Variants in SAMD13 observed in about 807,000 individuals in gnomAD.
The protein encoded by SAMD13 is sterile alpha motif domain containing 13.
SAMD13 carries 9 observed loss-of-function variants against 12.4 expected under a neutral mutation model. The ratio of observed to expected loss-of-function variants is 0.72; its 90% CI spans 0.44 to 1.26. SAMD13 has a LOEUF of 1.26. Ranked by LOEUF, SAMD13 falls within the 50% of genes most tolerant of loss-of-function variation. SAMD13 has a pLI of 0.00. For synonymous variants in SAMD13, 46 were observed against 45.4 expected, an observed-to-expected ratio of 1.01 and a Z score of -0.05; for missense variants, 84 against 119.6, an observed-to-expected ratio of 0.70 and a Z score of 1.39.
chr1:84,316,645 G>T (rs78821989), intron 2 of SAMD13, among the ~76,000 whole-genome samples: 3,946 of 152,144 alleles, frequency 0.026, 150 homozygotes, highest in African/African-American at 0.079. Context: ...TTTGAAATCA[G>T]GAAGTGTGTT....
At position 84,349,655 on chromosome 1, in the gene SAMD13, T is replaced by C; in HGVS notation, c.190T>C (p.Leu64=). The change falls in exon 4 of 4, where the codon TTG becomes CTG. Residue 64 remains leucine (L), a synonymous_variant. Coordinates refer to ENST00000394834, the MANE Select transcript of SAMD13 (RefSeq NM_001134663.2). ...GGAAATTGATGGAAAATCCCTGCTA[T>C]TGATGACAAGAAATGATGTGTTGAC... ...EQEIDGKSLL[L]MTRNDVLTGL... The C allele has an allele frequency of 1.2e-6, 2 of 1,613,670 alleles. No homozygotes were observed. The highest frequency in any genetic ancestry group is 8.5e-7 in the Non-Finnish European group (1 of 1,179,744).
At chr1:84,346,336 G>A (rs1220449268) in intron 3 of SAMD13, among the ~76,000 whole-genome samples, 1 of 152,166 alleles carries the variant, frequency 6.6e-6, no homozygotes, top group Admixed American at 6.5e-5. Context: ...CCATGCATGA[G>A]TACTTGCTGG....
At chr1:84,314,974 G>GTCCC (rs535938803) in intron 2 of SAMD13, among the ~76,000 whole-genome samples, 2,841 of 145,284 alleles carry the variant, frequency 0.02, 52 homozygotes, top group Non-Finnish European at 0.029. Flanking sequence ...CCCTCCTTCT[G>GTCCC]TCCCTCCCTC....
In SAMD13 at chr1:84,310,164, TTA is replaced by T. The variant is rs1558439858; in HGVS notation, c.53+6881_53+6882del. Among the ~76,000 whole-genome samples, 5 of 152,086 alleles carry T rather than the reference TTA, an allele frequency of 3.3e-5. No homozygotes were observed. In the South Asian group the frequency reaches 1.0e-3, roughly 32 times the overall value. On this transcript the variant is annotated intron_variant, in intron 2 of 3. Transcript: ENST00000394834. ...TTAATAATATATTTTATTTAACTCA[TTA>T]TATCACTTAAACATGTAATCAACAT... is the stretch of plus-strand genomic sequence containing the variant.
intron 2 of SAMD13, among the ~76,000 whole-genome samples, chr1:84,324,942 G>GA (rs1396125543): frequency 1.3e-5 from 2 of 152,262 alleles, no homozygotes; most frequent in East Asian, 3.9e-4. Flanking sequence ...TTGATACTAG[G>GA]AATAATAAAA....
At chr1:84,301,062 A>C (rs991779941), upstream of SAMD13, among the ~76,000 whole-genome samples, 4 of 152,196 alleles carry the variant, frequency 2.6e-5, no homozygotes, top group Non-Finnish European at 4.4e-5. Context: ...TGCTGGCTTC[A>C]TTTGGCAGGA....
upstream of SAMD13, among the ~76,000 whole-genome samples, chr1:84,299,242 G>GA (rs1392857751): frequency 6.6e-6 from 1 of 152,124 alleles, no homozygotes; most frequent in Admixed American, 6.5e-5. Context: ...CTGCCTGGGG[G>GA]ACGAATGCTG....
Position 84,346,955 on chromosome 1 carries a change from G to A in SAMD13, c.166-2676G>A, listed in dbSNP as rs146900140. 1.6e-3 allele frequency among the ~76,000 whole-genome samples: 242 copies of A among 152,318 alleles called. 6 individuals are homozygous for A. In the East Asian group the frequency reaches 0.046, roughly 29 times the overall value. On this transcript the variant is annotated intron_variant, in intron 3 of 3. Transcript: ENST00000394834. ...CAGAACACATCCCATTTCTTTCGAA[G>A]CCTATCCATTTCCACTTAGTAGTCA...
At chr1:84,308,764 A>G (rs556941086) in intron 2 of SAMD13, among the ~76,000 whole-genome samples, 1 of 152,234 alleles carries the variant, frequency 6.6e-6, no homozygotes, top group African/African-American at 2.4e-5. Context: ...TATTCTTGCA[A>G]CTTTTCTGTA....
intron 3 of SAMD13, among the ~76,000 whole-genome samples, chr1:84,335,431 G>T (rs925450581): frequency 6.6e-6 from 1 of 152,042 alleles, no homozygotes; most frequent in African/African-American, 2.4e-5. Context: ...TTGAGCCTGT[G>T]CGTGTCATTA....
chr1:84,323,977 A>G (rs779291964), intron 2 of SAMD13, among the ~76,000 whole-genome samples: 1 of 152,128 alleles, frequency 6.6e-6, no homozygotes, highest in Non-Finnish European at 1.5e-5. Context: ...GTTTAGCTGG[A>G]TGGATGTTAC....
chr1:84,309,611 A>T (rs1162522895), intron 2 of SAMD13, among the ~76,000 whole-genome samples: 1 of 152,180 alleles, frequency 6.6e-6, no homozygotes, highest in Non-Finnish European at 1.5e-5. Context: ...ACAATCACCA[A>T]GGCCTAGATT....
chr1:84,326,475 T>A (rs1326440229), intron 3 of SAMD13, among the ~76,000 whole-genome samples: 3 of 151,956 alleles, frequency 2.0e-5, no homozygotes, highest in Admixed American at 1.3e-4. Context: ...GTGGCAGGAG[T>A]CCATCCCAAT....
intron 3 of SAMD13, among the ~76,000 whole-genome samples, chr1:84,328,248 C>T (rs74095544): frequency 0.027 from 4,157 of 152,254 alleles, 199 homozygotes; most frequent in African/African-American, 0.095. Flanking sequence ...TGGATGATCT[C>T]ATTCTGTCCC....
chr1:84,329,162 A>T (rs1679125453), intron 3 of SAMD13, among the ~76,000 whole-genome samples: 1 of 152,124 alleles, frequency 6.6e-6, no homozygotes, highest in Admixed American at 6.5e-5. Flanking sequence ...ACAAGACACC[A>T]GAGAGCTTAC....
chr1:84,330,738 A>G (rs1679161101), intron 3 of SAMD13, among the ~76,000 whole-genome samples: 1 of 152,022 alleles, frequency 6.6e-6, no homozygotes, highest in Non-Finnish European at 1.5e-5. Context: ...TGTCTGTTTG[A>G]CTCACATACT....
chr1:84,338,733 C>T (rs556010046), intron 3 of SAMD13, among the ~76,000 whole-genome samples: 16 of 152,144 alleles, frequency 1.1e-4, no homozygotes, highest in South Asian at 6.2e-4. Context: ...TCACCGTGCC[C>T]GGCTGGGAAC....
intron 1 of SAMD13, chr1:84,302,530 T>C (rs865990824): frequency 1.5e-4 from 42 of 274,592 alleles, no homozygotes; most frequent in African/African-American, 1.0e-3. Context: ...TTACCTACTC[T>C]TTCTTACACA....
chr1:84,316,549 G>C (rs1219685940), intron 2 of SAMD13, among the ~76,000 whole-genome samples: 10 of 152,006 alleles, frequency 6.6e-5, no homozygotes, highest in Non-Finnish European at 1.3e-4. Flanking sequence ...ATGTATTTCT[G>C]GGCTCTCTCT....
Sources: gnomAD v4.1 joint callset for allele counts (sites outside exome capture counted in the v4.1 genomes callset) on GRCh38, gnomAD v4.1.1 for gene constraint, MANE v1.5 for transcripts, NCBI Gene and HGNC (gene_info 2026-07-23, HGNC 2026-07-21) for gene names.